Variants in PDZRN4 observed in about 807,000 individuals in gnomAD.
PDZRN4 encodes the protein PDZ domain containing ring finger 4.
Under a neutral mutation model 99.0 loss-of-function variants are expected in PDZRN4, and 70 were observed. The ratio of observed to expected loss-of-function variants is 0.71; its 90% CI spans 0.58 to 0.86. The LOEUF (loss-of-function observed/expected upper bound fraction) is 0.86, where lower values mean the gene tolerates loss of function less well. Among genes scored for constraint, PDZRN4 ranks in the 40% least tolerant of loss-of-function variants. The pLI is 0.00. For synonymous variants in PDZRN4, 551 were observed against 501.6 expected, an observed-to-expected ratio of 1.10 and a Z score of -1.32; for missense variants, 1,474 against 1,331.2, an observed-to-expected ratio of 1.11 and a Z score of -1.67.
chr12:41,299,053 G>T (rs1951514634), intron 3 of PDZRN4, among the ~76,000 whole-genome samples: 1 of 151,966 alleles, frequency 6.6e-6, no homozygotes, highest in Non-Finnish European at 1.5e-5. Flanking sequence ...AGACACTAAT[G>T]CAAGAGTTGC....
rs1384528287 is a variant in PDZRN4, at chr12:41,366,317, T to C, written c.844-140139T>C. Among the ~76,000 whole-genome samples the C allele has an allele frequency of 8.5e-5, 13 of 152,222 alleles. No individual in the cohort carries two copies. In the East Asian group the frequency reaches 2.5e-3, roughly 29 times the overall value. ...ATGAAAAGTCATATAGTGTGCAGAG[T>C]GTTATTACTTGCCAGCCATTGGCTA... On this transcript the variant is annotated intron_variant, in intron 3 of 9. Transcript: ENST00000402685.
intron 3 of PDZRN4, among the ~76,000 whole-genome samples, chr12:41,344,878 A>T (rs1403410623): frequency 6.6e-6 from 1 of 151,800 alleles, no homozygotes; most frequent in East Asian, 1.9e-4. Flanking sequence ...GTTTCAAGAA[A>T]AAACTGTACT....
chr12:41,244,622 T>G lies in PDZRN4; in HGVS notation c.843+50434T>G, dbSNP rs925421266. ...GACTCCCGCCTCAGAGTGTTGCCCA[T>G]GCCAGGCTTGCCCCTGGAAGGCCTT... On this transcript the variant is annotated intron_variant, in intron 3 of 9. Transcript: ENST00000402685. Among the ~76,000 whole-genome samples, 9 of 151,166 alleles carry G rather than the reference T, an allele frequency of 6.0e-5. No individual in the cohort carries two copies. The South Asian group carries it at 1.0e-3, about 18-fold the overall frequency.
At chr12:41,449,688 A>T (rs1952759479) in intron 3 of PDZRN4, among the ~76,000 whole-genome samples, 2 of 152,238 alleles carry the variant, frequency 1.3e-5, no homozygotes, top group South Asian at 4.1e-4. Flanking sequence ...TAAAATTAAA[A>T]GTAAAAATTA....
chr12:41,331,091 G>A (rs569124344), intron 3 of PDZRN4, among the ~76,000 whole-genome samples: 1 of 152,148 alleles, frequency 6.6e-6, no homozygotes, highest in South Asian at 2.1e-4. Flanking sequence ...TTGCAAATTC[G>A]TCCAATTGAT....
intron 3 of PDZRN4, among the ~76,000 whole-genome samples, chr12:41,217,068 T>A (rs1041695632): frequency 6.6e-6 from 1 of 152,078 alleles, no homozygotes; most frequent in African/African-American, 2.4e-5. Context: ...TATCCCTTTC[T>A]TGTTTGCCTG....
At chr12:41,437,060 A>G (rs147420939) in intron 3 of PDZRN4, among the ~76,000 whole-genome samples, 133 of 152,312 alleles carry the variant, frequency 8.7e-4, no homozygotes, top group African/African-American at 3.1e-3. Flanking sequence ...ATCTAATTAA[A>G]ATATTAATTA....
intron 3 of PDZRN4, among the ~76,000 whole-genome samples, chr12:41,270,461 A>G (rs535432108): frequency 2.6e-5 from 4 of 152,260 alleles, no homozygotes; most frequent in African/African-American, 9.6e-5. Context: ...AGTAAGGGGA[A>G]CTAAGTCATA....
At chr12:41,192,675 T>C (rs968224152) in intron 2 of PDZRN4, among the ~76,000 whole-genome samples, 2 of 152,142 alleles carry the variant, frequency 1.3e-5, no homozygotes, top group Non-Finnish European at 2.9e-5. Flanking sequence ...ATTGAATGAA[T>C]GAATGAACAG....
At chr12:41,508,477 T>C (rs1368486002) in intron 4 of PDZRN4, among the ~76,000 whole-genome samples, 1 of 152,222 alleles carries the variant, frequency 6.6e-6, no homozygotes, top group Admixed American at 6.5e-5. Context: ...TTCCAGCACT[T>C]GGCCTTGCAT....
chr12:41,565,436 C>CA (rs1303092277), intron 8 of PDZRN4, among the ~76,000 whole-genome samples: 1,915 of 121,760 alleles, frequency 0.016, 45 homozygotes, highest in African/African-American at 0.048. Flanking sequence ...TATAAAGTGG[C>CA]AAAAAAAAAA....
intron 9 of PDZRN4, among the ~76,000 whole-genome samples, chr12:41,569,117 C>CATTATT (rs142276282): frequency 5.5e-5 from 8 of 146,462 alleles, no homozygotes; most frequent in East Asian, 4.1e-4. Context: ...TTATTATTAT[C>CATTATT]ATTATTATTA....
chr12:41,419,642 A>T (rs1038362065), intron 3 of PDZRN4, among the ~76,000 whole-genome samples: 2 of 152,174 alleles, frequency 1.3e-5, no homozygotes, highest in Non-Finnish European at 2.9e-5. Context: ...TGGGGGTTTT[A>T]CAGGAGTGGG....
At chr12:41,344,682 T>C (rs1222085802) in intron 3 of PDZRN4, among the ~76,000 whole-genome samples, 1 of 150,880 alleles carries the variant, frequency 6.6e-6, no homozygotes, top group Non-Finnish European at 1.5e-5. Flanking sequence ...TTTTTAAATA[T>C]AATGCCTGTT....
intron 3 of PDZRN4, among the ~76,000 whole-genome samples, chr12:41,457,419 A>G (rs1399376282): frequency 6.6e-6 from 1 of 152,220 alleles, no homozygotes; most frequent in African/African-American, 2.4e-5. Flanking sequence ...ACAGAGGAAA[A>G]GTTGCTGGAA....
At chr12:41,373,048 C>T (rs918750462) in intron 3 of PDZRN4, among the ~76,000 whole-genome samples, 3 of 152,006 alleles carry the variant, frequency 2.0e-5, no homozygotes, top group African/African-American at 7.3e-5. Context: ...TTCCGTGATG[C>T]CCCCCAAGCT....
intron 3 of PDZRN4, among the ~76,000 whole-genome samples, chr12:41,274,179 TG>T (rs1236661965): frequency 1.3e-5 from 2 of 152,090 alleles, no homozygotes; most frequent in African/African-American, 4.8e-5. Flanking sequence ...CTAATGAGTG[TG>T]TGTAAAGCTG....
Position 41,573,843 on chromosome 12 carries a change from G to T in PDZRN4, c.3064G>T (p.Asp1022Tyr), listed in dbSNP as rs753585386. 2 of 1,599,172 alleles carry T rather than the reference G, an allele frequency of 1.3e-6. No individual in the cohort carries two copies. The highest frequency in any genetic ancestry group is 1.7e-6 in the Non-Finnish European group (2 of 1,173,960). The change falls in exon 10 of 10, where the codon GAT becomes TAT. Residue 1022 changes from aspartate to tyrosine, a missense_variant. Physicochemically the swap from Asp to Tyr is radical, Grantham distance 160. Transcript: ENST00000402685. ...GATGACCCATGGGGCCAAGTCTCCA[G>T]ATGGCACGAGAGTCCATAATGCCTT... ...ELMTHGAKSP[D>Y]GTRVHNAFLS...
intron 3 of PDZRN4, among the ~76,000 whole-genome samples, chr12:41,434,006 T>A (rs2730809): frequency 0.51 from 77,426 of 152,024 alleles, 20,198 homozygotes; most frequent in African/African-American, 0.64. Flanking sequence ...CTGGTGTCCC[T>A]TCCTAAAGAG....
Sources: allele counts gnomAD v4.1 joint callset (sites outside exome capture counted in the v4.1 genomes callset), GRCh38; gene constraint gnomAD v4.1.1; transcripts MANE v1.5; gene names NCBI Gene and HGNC (gene_info 2026-07-23, HGNC 2026-07-21).